The following TICAM1 variants were observed in gnomAD, a reference collection of about 807,000 sequenced individuals.
TICAM1 encodes the protein TIR domain-containing adapter molecule 1.
For synonymous variants in TICAM1, 439 were observed against 415.4 expected (o/e 1.06, Z -0.69); for missense variants, 895 against 938.2 (o/e 0.95, Z 0.60).
intron 1 of TICAM1, 105 bp downstream of exon 1, chr19:4,831,509 G>A (rs2146185923): frequency 6.6e-6 from 1 of 152,264 alleles, no homozygotes; most frequent in South Asian, 2.1e-4. Context: ...TAAGAGGGAG[G>A]CCAGGTGGCC....
chr19:4,825,233 T>G (rs1223650077), intron 1 of TICAM1, among the ~76,000 whole-genome samples: 1 of 151,864 alleles, frequency 6.6e-6, no homozygotes. Context: ...TGAACTGAAA[T>G]GGCGCCACTG....
chr19:4,827,164 A>G (rs2093606631), intron 1 of TICAM1, among the ~76,000 whole-genome samples: 1 of 151,124 alleles, frequency 6.6e-6, no homozygotes, highest in Non-Finnish European at 1.5e-5. Flanking sequence ...TAGCCTGGCC[A>G]ACATGGTGAA....
chr19:4,822,840 C>T (rs1335339038), intron 1 of TICAM1, among the ~76,000 whole-genome samples: 2 of 152,150 alleles, frequency 1.3e-5, no homozygotes, highest in African/African-American at 4.8e-5. Flanking sequence ...AACTGTAACA[C>T]CAAATGCCTT....
intron 1 of TICAM1, among the ~76,000 whole-genome samples, chr19:4,830,963 C>G (rs913745512): frequency 6.6e-6 from 1 of 152,090 alleles, no homozygotes; most frequent in Non-Finnish European, 1.5e-5. Flanking sequence ...GCTGGATAAC[C>G]GTTAGGAGGG....
chr19:4,829,972 C>T (rs189707118), intron 1 of TICAM1, among the ~76,000 whole-genome samples: 3 of 151,410 alleles, frequency 2.0e-5, no homozygotes, highest in African/African-American at 7.3e-5. Context: ...CACCACGCCC[C>T]GCTAATTTTT....
chr19:4,825,933 T>C (rs894680533), intron 1 of TICAM1, among the ~76,000 whole-genome samples: 7 of 151,994 alleles, frequency 4.6e-5, no homozygotes, highest in Admixed American at 6.6e-5. Flanking sequence ...CACTCCAGCC[T>C]GGGCAACAAG....
chr19:4,817,379 T>C lies in TICAM1; in HGVS notation c.999A>G (p.Pro333=). The C allele has an allele frequency of 6.2e-7, 1 of 1,613,434 alleles. No individual in the cohort carries two copies. The highest frequency in any genetic ancestry group is 8.5e-7 in the Non-Finnish European group (1 of 1,179,928). The change falls in exon 2 of 2, where the codon CCA becomes CCG. Residue 333 remains proline, a synonymous_variant. Transcript: ENST00000248244. This position sits in a 1 kb window ranked among gnomAD's most constrained non-coding sequence, Gnocchi z 4.7. ...TGGTATCTTCTACAGAAAGTTGGAG[T>C]GGCGTCTGGTCTTTGACAGAGCAGG... ...KNPCSVKDQT[P]LQLSVEDTTS...
chr19:4,824,800 G>A (rs963213138), intron 1 of TICAM1, among the ~76,000 whole-genome samples: 1 of 152,026 alleles, frequency 6.6e-6, no homozygotes, highest in African/African-American at 2.4e-5. Flanking sequence ...ACGTGTGGTG[G>A]CGGGTGCCTG....
Position 4,817,407 on chromosome 19 carries a change from T to G in TICAM1, c.971A>C (p.Asn324Thr), listed in dbSNP as rs1600053637. ...LPLPILEPVKNPCSVKDQTPL... is the reference protein window; with the variant it reads ...LPLPILEPVKTPCSVKDQTPL... ...CGTCTGGTCTTTGACAGAGCAGGGGTTTTTGACCGGCTCCAGAATAGGCAA... is the reference window on the plus strand; with the variant it reads ...CGTCTGGTCTTTGACAGAGCAGGGGGTTTTGACCGGCTCCAGAATAGGCAA... Residue 324 changes from asparagine (N) to threonine (T), a missense_variant, in exon 2 of 2, where the codon AAC becomes ACC. By Grantham distance (65) the Asn-to-Thr change is moderately conservative (BLOSUM62 0). Transcript: ENST00000248244. This position sits in a 1 kb window ranked among gnomAD's most constrained non-coding sequence, Gnocchi z 4.7. The G allele has an allele frequency of 6.2e-7, 1 of 1,613,204 alleles. No individual in the cohort carries two copies. Among genetic ancestry groups the G allele is most frequent in the Non-Finnish European group, 8.5e-7 (1 of 1,179,856 alleles).
In TICAM1 at chr19:4,818,385, G is replaced by T; in HGVS notation, c.-8C>A. The T allele has an allele frequency of 1.9e-6, 3 of 1,573,280 alleles. No individual in the cohort carries two copies. The highest frequency in any genetic ancestry group is 2.2e-5 in the East Asian group (1 of 44,514). On this transcript the variant is annotated 5_prime_UTR_variant, in exon 2 of 2. In the 5' UTR this introduces an upstream ATG that the reference lacks. Coordinates refer to ENST00000248244, the MANE Select transcript of TICAM1 (RefSeq NM_182919.4). This position sits in a 1 kb window ranked among gnomAD's most constrained non-coding sequence, Gnocchi z 4.0. ...TGGGCCTGTGCAGGCCATGGGCACA[G>T]GTGGGTGCAGCCTCCGGCAGCAGAA...
Position 4,818,442 on chromosome 19 carries a change from C to A in TICAM1, c.-65G>T. On this transcript the variant is annotated 5_prime_UTR_variant, in exon 2 of 2. Transcript: ENST00000248244. The surrounding 1 kb of genome is among the most constrained non-coding windows in gnomAD (Gnocchi z 4.0). The stretch of plus-strand genomic sequence containing the variant: ...GGTGGTGAAGGCATGTTCCACACTG[C>A]CCCCCGCCTTCTGCACGCCCAGTGT... 6.7e-7 allele frequency: 1 copy of A among 1,498,136 alleles called. No individual in the cohort carries two copies. The highest frequency in any genetic ancestry group is 8.9e-7 in the Non-Finnish European group (1 of 1,125,518). The allele number at this position is 1,498,136 out of a possible 1,614,324, so 92.8% of individuals were successfully genotyped here. A position where few individuals can be genotyped will look rare whatever the true frequency, so the allele number is the denominator to read the frequency against.
chr19:4,821,025 T>TCTG (rs1303456238), intron 1 of TICAM1, among the ~76,000 whole-genome samples: 10 of 86,060 alleles, frequency 1.2e-4, no homozygotes, highest in Non-Finnish European at 2.1e-4. Flanking sequence ...AACTCCCGTC[T>TCTG]CTAGTAAAAA....
chr19:4,817,276 A>AAGG lies in TICAM1; in HGVS notation c.1099_1101dup (p.Pro367dup), dbSNP rs11466722. The AAGG allele has an allele frequency of 0.15, 233,536 of 1,602,862 alleles. 14,261 individuals are homozygous for AAGG. Among genetic ancestry groups the AAGG allele is most frequent in the African/African-American group, 0.27 (19,508 of 71,892 alleles). ...AGGTGAGCTGAACAAGGAGTAGATG[A>AAGG]AGGAGGAGGAGGAGGAGGAGGAGGG... On this transcript the variant is annotated inframe_insertion, in exon 2 of 2. Coordinates refer to ENST00000248244, the MANE Select transcript of TICAM1 (RefSeq NM_182919.4). The surrounding 1 kb of genome is among the most constrained non-coding windows in gnomAD (Gnocchi z 4.7).
chr19:4,821,286 A>C (rs1005782717), intron 1 of TICAM1, among the ~76,000 whole-genome samples: 3 of 151,870 alleles, frequency 2.0e-5, no homozygotes, highest in Non-Finnish European at 4.4e-5. Flanking sequence ...ACAGCAATGG[A>C]CTCTTCCCTG....
Position 4,817,927 on chromosome 19 carries a change from C to T in TICAM1, c.451G>A (p.Asp151Asn), listed in dbSNP as rs1224448097. 1.9e-6 allele frequency: 3 copies of T among 1,613,840 alleles called. No homozygotes were observed. The highest frequency in any genetic ancestry group is 2.7e-5 in the African/African-American group (2 of 74,938). ...RNRCGWDIAGDPGSIRTLQSN... is the reference protein window; with the variant it reads ...RNRCGWDIAGNPGSIRTLQSN... ...TGGAGCGTCCGGATGCTCCCTGGAT[C>T]CCCAGCAATGTCCCACCCACACCGG... The change falls in exon 2 of 2, where the codon GAT becomes AAT. Residue 151 changes from aspartate to asparagine, a missense_variant. Coordinates refer to ENST00000248244, the MANE Select transcript of TICAM1 (RefSeq NM_182919.4). The surrounding 1 kb of genome is among the most constrained non-coding windows in gnomAD (Gnocchi z 4.7).
In TICAM1 at chr19:4,817,130, C is replaced by T. The variant is rs1341186851; in HGVS notation, c.1248G>A (p.Leu416=). 6.2e-7 allele frequency: 1 copy of T among 1,614,006 alleles called. No individual in the cohort carries two copies. The highest frequency in any genetic ancestry group is 1.7e-5 in the Admixed American group (1 of 59,984). ...CCCCGTCGGGCACGCCAAGGGCCTC[C>T]AGCTTCTCCCGAACCCGCAGGGCGA... ...EHIALRVREK[L]EALGVPDGAT... Residue 416 remains leucine, a synonymous_variant, in exon 2 of 2, where the codon CTG becomes CTA. Transcript: ENST00000248244. This position sits in a 1 kb window ranked among gnomAD's most constrained non-coding sequence, Gnocchi z 4.7.
Position 4,817,739 on chromosome 19 carries a change from A to G in TICAM1, c.639T>C (p.Pro213=), listed in dbSNP as rs1490750702. 1.2e-6 allele frequency: 2 copies of G among 1,602,174 alleles called. No individual in the cohort carries two copies. The highest frequency in any genetic ancestry group is 2.2e-5 in the South Asian group (2 of 90,210). Residue 213 remains proline (P), a synonymous_variant, in exon 2 of 2, where the codon CCT becomes CCC. Transcript: ENST00000248244. The surrounding 1 kb of genome is among the most constrained non-coding windows in gnomAD (Gnocchi z 4.7). ...LASNLEISQS[P]TMPFLSLHRS... is the part of the protein sequence containing the mutation. ...GGTGCAGGCTGAGGAAGGGCATGGT[A>G]GGGGACTGGCTGATTTCCAAGTTGC...
intron 1 of TICAM1, among the ~76,000 whole-genome samples, chr19:4,824,668 C>T (rs1179199863): frequency 2.0e-5 from 3 of 149,964 alleles, no homozygotes; most frequent in Non-Finnish European, 4.4e-5. Flanking sequence ...CACAGTGGCT[C>T]ACACCTGTAA....
Position 4,818,111 on chromosome 19 carries a change from G to A in TICAM1, c.267C>T (p.Pro89=), listed in dbSNP as rs943790887. Residue 89 remains proline (P), a synonymous_variant, in exon 2 of 2, where the codon CCC becomes CCT. Transcript: ENST00000248244. This position sits in a 1 kb window ranked among gnomAD's most constrained non-coding sequence, Gnocchi z 4.0. ...GVDSTEDPEE[P]PDVSWAVARL... The stretch of plus-strand genomic sequence containing the variant: ...GGGCCACAGCCCAGGACACATCTGG[G>A]GGCTCCTCTGGGTCCTCGGTGCTGT... The A allele has an allele frequency of 1.2e-6, 2 of 1,608,152 alleles. No homozygotes were observed. The highest frequency in any genetic ancestry group is 1.7e-6 in the Non-Finnish European group (2 of 1,179,760).
Sources: gnomAD v4.1 joint callset for allele counts (sites outside exome capture counted in the v4.1 genomes callset) on GRCh38, gnomAD v4.1.1 for gene constraint, Gnocchi (gnomAD v3.1) non-coding constraint, MANE v1.5 for transcripts, NCBI Gene and HGNC (gene_info 2026-07-23, HGNC 2026-07-21) for gene names.